The following CRIM1 variants were observed in gnomAD, a reference collection of about 807,000 sequenced individuals.
The protein encoded by CRIM1 is cysteine rich transmembrane BMP regulator 1.
Under a neutral mutation model 116.4 loss-of-function variants are expected in CRIM1, and 32 were observed. That is an observed-to-expected ratio of 0.27 (90% CI 0.21 to 0.37). The LOEUF (loss-of-function observed/expected upper bound fraction) is 0.37, where lower values mean the gene tolerates loss of function less well. CRIM1 is among the 10% of genes least tolerant of loss of function. The pLI is 1.00. For synonymous variants in CRIM1, 590 were observed against 509.2 expected, an observed-to-expected ratio of 1.16 and a Z score of -2.13; for missense variants, 1,331 against 1,354.8, an observed-to-expected ratio of 0.98 and a Z score of 0.28.
chr2:36,510,810 G>A (rs1199121585), intron 9 of CRIM1, among the ~76,000 whole-genome samples: 1 of 151,884 alleles, frequency 6.6e-6, no homozygotes, highest in African/African-American at 2.4e-5. Flanking sequence ...CTTTATATCA[G>A]GTTGATGCCT....
At chr2:36,464,401 G>A in intron 4 of CRIM1, 133 bp from the exon 5 acceptor site, 2 of 863,850 alleles carry the variant, frequency 2.3e-6, no homozygotes, top group South Asian at 1.8e-5. Flanking sequence ...ATTTCCCAGT[G>A]ACACCAGATA....
chr2:36,509,746 T>C (rs1681686711), intron 8 of CRIM1, among the ~76,000 whole-genome samples: 1 of 152,212 alleles, frequency 6.6e-6, no homozygotes, highest in Non-Finnish European at 1.5e-5. Flanking sequence ...GAGTACACTT[T>C]AGAAATCTAT....
chr2:36,453,528 A>G (rs1676894307), intron 4 of CRIM1, among the ~76,000 whole-genome samples: 1 of 152,200 alleles, frequency 6.6e-6, no homozygotes, highest in South Asian at 2.1e-4. Context: ...GCTTTTAACT[A>G]AATTAGATAG....
At chr2:36,544,627 C>T (rs568301021) in intron 15 of CRIM1, 129 bp downstream of exon 15, 53 of 973,030 alleles carry the variant, frequency 5.4e-5, no homozygotes, top group Middle Eastern at 3.3e-4. Flanking sequence ...TAACTATTCC[C>T]GGGCAGACCT....
chr2:36,361,511 T>A (rs1669221769), intron 1 of CRIM1, among the ~76,000 whole-genome samples: 1 of 151,980 alleles, frequency 6.6e-6, no homozygotes, highest in Non-Finnish European at 1.5e-5. Context: ...ATATTGTAGA[T>A]GAAACAGATG....
rs551789233 is a variant in CRIM1 at position 36,550,080 on chromosome 2, C to T, written c.*1379C>T. The T allele has an allele frequency of 3.3e-5, 5 of 152,230 alleles. No individual in the cohort carries two copies. Among genetic ancestry groups the T allele is most frequent in the African/African-American group, 9.7e-5 (4 of 41,288 alleles). 9.4% of individuals were successfully genotyped at this position (152,230 alleles called of 1,614,324 possible). A position where few individuals can be genotyped will look rare whatever the true frequency, so the allele number is the denominator to read the frequency against. On this transcript the variant is annotated 3_prime_UTR_variant, in exon 17 of 17. Coordinates refer to ENST00000280527, the MANE Select transcript of CRIM1 (RefSeq NM_016441.3). The stretch of plus-strand genomic sequence containing the variant: ...GTGTGTGTGTGTGCGCGCGCACGCA[C>T]GCCTTGAGCAGTCAGCATTGCACCT...
At chr2:36,518,348 C>G (rs1244899310) in intron 12 of CRIM1, among the ~76,000 whole-genome samples, 1 of 152,102 alleles carries the variant, frequency 6.6e-6, no homozygotes, top group Non-Finnish European at 1.5e-5. Flanking sequence ...AATCAATAAC[C>G]ATTTACTTTC....
intron 9 of CRIM1, among the ~76,000 whole-genome samples, chr2:36,511,693 C>T (rs1402691420): frequency 6.6e-6 from 1 of 152,186 alleles, no homozygotes; most frequent in Non-Finnish European, 1.5e-5. Flanking sequence ...GAATATTATA[C>T]TGGCTAGAAC....
chr2:36,491,030 G>A (rs146084271), intron 7 of CRIM1, among the ~76,000 whole-genome samples: 30 of 152,292 alleles, frequency 2.0e-4, no homozygotes, highest in African/African-American at 5.8e-4. Context: ...ATAACTTCAC[G>A]CAGTAGAAGA....
At chr2:36,538,940 T>C (rs1428064144) in intron 14 of CRIM1, among the ~76,000 whole-genome samples, 1 of 152,246 alleles carries the variant, frequency 6.6e-6, no homozygotes, top group Non-Finnish European at 1.5e-5. Flanking sequence ...CTTGACCTTA[T>C]TTATTTCACG....
chr2:36,462,502 G>A (rs962761095), intron 4 of CRIM1, among the ~76,000 whole-genome samples: 1 of 152,236 alleles, frequency 6.6e-6, no homozygotes, highest in East Asian at 1.9e-4. Flanking sequence ...GTAAGTGCAC[G>A]TGTTCAGTAA....
At chr2:36,518,053 G>A (rs1165917897) in intron 12 of CRIM1, among the ~76,000 whole-genome samples, 3 of 152,160 alleles carry the variant, frequency 2.0e-5, no homozygotes, top group African/African-American at 4.8e-5. Flanking sequence ...ATGCCAAAAA[G>A]CATTAAGTGA....
intron 8 of CRIM1, among the ~76,000 whole-genome samples, chr2:36,507,531 CCCTCTATTGGGAAGCTGAATGTAGATG>C (rs931087328): frequency 1.2e-4 from 19 of 152,308 alleles, no homozygotes; most frequent in African/African-American, 3.6e-4. Flanking sequence ...GCCTAGAGCT[CCCTCTATTGGGAAGCTGAATGTAGATG>C]GGCCAGAGCA....
chr2:36,398,955 G>A (rs1558539858), intron 2 of CRIM1, among the ~76,000 whole-genome samples: 1 of 152,210 alleles, frequency 6.6e-6, no homozygotes, highest in Non-Finnish European at 1.5e-5. Context: ...GGAATTGTGT[G>A]ATAAGGTATC....
At chr2:36,428,861 C>T (rs548788336) in intron 2 of CRIM1, among the ~76,000 whole-genome samples, 106 of 152,304 alleles carry the variant, frequency 7.0e-4, no homozygotes, top group African/African-American at 2.5e-3. Flanking sequence ...TGTTCATTCT[C>T]CTCTTCCTGC....
At chr2:36,407,440 A>G (rs1019319423) in intron 2 of CRIM1, among the ~76,000 whole-genome samples, 7 of 152,198 alleles carry the variant, frequency 4.6e-5, no homozygotes, top group Non-Finnish European at 1.0e-4. Context: ...TGTTACAGAT[A>G]CAAATTTTGG....
At chr2:36,368,163 A>G (rs1239236866) in intron 1 of CRIM1, among the ~76,000 whole-genome samples, 2 of 152,240 alleles carry the variant, frequency 1.3e-5, no homozygotes, top group Non-Finnish European at 2.9e-5. Flanking sequence ...TTAAAGAAAC[A>G]TAGCAGTAAT....
chr2:36,375,629 C>G (rs1670263845), intron 1 of CRIM1, among the ~76,000 whole-genome samples: 1 of 152,148 alleles, frequency 6.6e-6, no homozygotes, highest in South Asian at 2.1e-4. Context: ...ATATACCAAT[C>G]AACATAGTCC....
In CRIM1 at chr2:36,512,539, G is replaced by A. The variant is rs546635207; in HGVS notation, c.1780+145G>A. 5.1e-6 allele frequency: 4 copies of A among 778,876 alleles called. No homozygotes were observed. In the East Asian group the frequency reaches 1.1e-4, roughly 21 times the overall value. 48.2% of individuals were successfully genotyped at this position (778,876 alleles called of 1,614,324 possible). A position where few individuals can be genotyped will look rare whatever the true frequency, so the allele number is the denominator to read the frequency against. ...CAGTCTCTGTGGGACCGTCCCACAG[G>A]ACTCCCTTTTCCTTTCATTTTTATG... On this transcript the variant is annotated intron_variant, in intron 10 of 16. Transcript: ENST00000280527.
Sources: allele counts gnomAD v4.1 joint callset (sites outside exome capture counted in the v4.1 genomes callset), GRCh38; gene constraint gnomAD v4.1.1; transcripts MANE v1.5; gene names NCBI Gene and HGNC (gene_info 2026-07-23, HGNC 2026-07-21).